Variants in AFF1 observed in about 807,000 individuals in gnomAD.
AFF1 encodes the protein AF4/FMR2 family member 1.
Under a neutral mutation model 121.7 loss-of-function variants are expected in AFF1, and 48 were observed. The ratio of observed to expected loss-of-function variants is 0.39; its 90% CI spans 0.31 to 0.50. AFF1 has a LOEUF of 0.50. AFF1 is among the 20% of genes least tolerant of loss of function. The pLI is 0.76. For synonymous variants in AFF1, 613 were observed against 563.0 expected, an observed-to-expected ratio of 1.09 and a Z score of -1.26; for missense variants, 1,523 against 1,511.7, an observed-to-expected ratio of 1.01 and a Z score of -0.12.
rs1277234793 is a variant in AFF1, at chr4:86,948,200, AAGT to A, written c.-36-295_-36-293del. ...TATATTTAACACAATGCTTGGCACA[AAGT>A]AGGCACCAGGGGAATGGTATTTCCT... On this transcript the variant is annotated intron_variant, in intron 1 of 20. Coordinates refer to ENST00000395146, the MANE Select transcript of AFF1 (RefSeq NM_001166693.3). Among the ~76,000 whole-genome samples, 4 of 152,178 alleles carry A rather than the reference AAGT, an allele frequency of 2.6e-5. No individual in the cohort carries two copies. In the East Asian group the frequency reaches 7.7e-4, roughly 29 times the overall value.
At chr4:86,936,572 G>A (rs1324736420) in intron 1 of AFF1, 1 of 152,170 alleles carries the variant, frequency 6.6e-6, no homozygotes, top group Non-Finnish European at 1.5e-5. Context: ...TGGACCCAGA[G>A]TCTAGTTTTT....
In AFF1 at chr4:87,138,910, G is replaced by A. The variant is rs187594660; in HGVS notation, c.*3209G>A. The A allele has an allele frequency of 2.2e-5, 5 of 227,542 alleles. No individual in the cohort carries two copies. In the East Asian group the frequency reaches 2.5e-4, roughly 11 times the overall value. 14.1% of individuals were successfully genotyped at this position (227,542 alleles called of 1,614,324 possible). On this transcript the variant is annotated 3_prime_UTR_variant, in exon 21 of 21. Coordinates refer to ENST00000395146, the MANE Select transcript of AFF1 (RefSeq NM_001166693.3). Reference sequence around the variant, plus strand: ...GGACCGCACTTATCTCCCTTGTCCTGTATCCTTTAATTTCAGGTCTCAGGA... The same window carrying A: ...GGACCGCACTTATCTCCCTTGTCCTATATCCTTTAATTTCAGGTCTCAGGA...
At chr4:87,062,423 T>C (rs1263345530) in intron 4 of AFF1, among the ~76,000 whole-genome samples, 1 of 152,158 alleles carries the variant, frequency 6.6e-6, no homozygotes, top group Non-Finnish European at 1.5e-5. Context: ...CCGGTAGCCC[T>C]GCCTCTTAAT....
chr4:87,019,138 G>T (rs1453333015), intron 2 of AFF1, among the ~76,000 whole-genome samples: 4 of 152,166 alleles, frequency 2.6e-5, no homozygotes, highest in African/African-American at 9.7e-5. Flanking sequence ...ACACAGAAGT[G>T]GTGTTCTTTT....
intron 11 of AFF1, among the ~76,000 whole-genome samples, chr4:87,111,172 T>TA (rs1726488220): frequency 1.2e-5 from 1 of 82,266 alleles, no homozygotes; most frequent in Non-Finnish European, 2.6e-5. Context: ...CACGCCCGGC[T>TA]AATTTTTTGT....
intron 2 of AFF1, among the ~76,000 whole-genome samples, chr4:87,020,316 A>ATCTT (rs1727768183): frequency 6.6e-6 from 1 of 152,232 alleles, no homozygotes; most frequent in Non-Finnish European, 1.5e-5. Context: ...TGTAAGAAAG[A>ATCTT]ACGTATTTGC....
chr4:87,057,972 T>A (rs1720324819), intron 4 of AFF1, among the ~76,000 whole-genome samples: 1 of 151,956 alleles, frequency 6.6e-6, no homozygotes, highest in Admixed American at 6.5e-5. Context: ...AGCATTCCCG[T>A]GGCTTGGCAA....
intron 8 of AFF1, among the ~76,000 whole-genome samples, chr4:87,100,348 T>G (rs342454): frequency 2.0e-5 from 3 of 151,778 alleles, no homozygotes; most frequent in African/African-American, 7.3e-5. Context: ...TACCACGGCC[T>G]GTCCCTGACA....
At chr4:87,000,415 G>GGT (rs1725598158) in intron 2 of AFF1, among the ~76,000 whole-genome samples, 1 of 152,098 alleles carries the variant, frequency 6.6e-6, no homozygotes, top group Non-Finnish European at 1.5e-5. Context: ...TGGAAAAAGT[G>GGT]GTAAAATCAA....
chr4:87,073,344 T>G (rs1285814372), intron 4 of AFF1, among the ~76,000 whole-genome samples: 1 of 143,354 alleles, frequency 7.0e-6, no homozygotes, highest in East Asian at 2.0e-4. Context: ...TTGTTCAGAA[T>G]TAAGATGTCA....
rs76185028 is a variant in AFF1, at chr4:87,076,045, A to C, written c.1060-8075A>C. ...GAAGCCTGTCTGGAGGAGAAAGATTAGAACACTAAGGGTTACAATCCAGAG... is the reference window on the plus strand; with the variant it reads ...GAAGCCTGTCTGGAGGAGAAAGATTCGAACACTAAGGGTTACAATCCAGAG... On this transcript the variant is annotated intron_variant, in intron 4 of 20. Transcript: ENST00000395146. 6.6e-3 allele frequency among the ~76,000 whole-genome samples: 1,005 copies of C among 152,264 alleles called. 11 individuals are homozygous for C. The highest frequency in any genetic ancestry group is 0.023 in the African/African-American group (962 of 41,564).
At chr4:87,061,079 A>T (rs2149652792) in intron 4 of AFF1, among the ~76,000 whole-genome samples, 1 of 152,152 alleles carries the variant, frequency 6.6e-6, no homozygotes, top group South Asian at 2.1e-4. Flanking sequence ...AACCTAATTG[A>T]GTCTTTTATT....
intron 5 of AFF1, among the ~76,000 whole-genome samples, chr4:87,086,246 A>G (rs910195779): frequency 1.3e-5 from 2 of 152,130 alleles, no homozygotes; most frequent in Non-Finnish European, 2.9e-5. Context: ...TATTTGTTCT[A>G]TCATTATTTC....
At chr4:86,984,733 T>G (rs1194890464) in intron 2 of AFF1, among the ~76,000 whole-genome samples, 1 of 152,030 alleles carries the variant, frequency 6.6e-6, no homozygotes, top group Admixed American at 6.6e-5. Flanking sequence ...TCCAGGAGTT[T>G]GACATCAGCC....
intron 2 of AFF1, among the ~76,000 whole-genome samples, chr4:86,951,651 TCTCC>T (rs1721349212): frequency 7.5e-6 from 1 of 132,454 alleles, no homozygotes; most frequent in Non-Finnish European, 1.5e-5. Context: ...TGAGACGGAG[TCTCC>T]CTCTGTCACC....
chr4:86,949,543 T>G, intron 2 of AFF1: 1 of 159,492 alleles, frequency 6.3e-6, no homozygotes, highest in Non-Finnish European at 1.1e-5. Flanking sequence ...TATTATTTTT[T>G]TTTTTTTTTT....
intron 2 of AFF1, chr4:86,950,001 G>A: frequency 6.2e-7 from 1 of 1,614,148 alleles, no homozygotes; most frequent in Non-Finnish European, 8.5e-7. Context: ...AAGATGGCGA[G>A]CGCCAGTTTC....
chr4:86,989,647 T>G (rs975791729), intron 2 of AFF1, among the ~76,000 whole-genome samples: 1 of 152,118 alleles, frequency 6.6e-6, no homozygotes, highest in Non-Finnish European at 1.5e-5. Flanking sequence ...ACCAGAAATA[T>G]CATTTGACCC....
chr4:87,103,190 T>G (rs1050714505), intron 8 of AFF1, among the ~76,000 whole-genome samples: 3 of 152,250 alleles, frequency 2.0e-5, no homozygotes, highest in African/African-American at 7.2e-5. Flanking sequence ...ATTTTTTTCT[T>G]GCTGCCATTT....
Sources: allele counts gnomAD v4.1 joint callset (sites outside exome capture counted in the v4.1 genomes callset), GRCh38; gene constraint gnomAD v4.1.1; transcripts MANE v1.5; gene names NCBI Gene and HGNC (gene_info 2026-07-23, HGNC 2026-07-21).